HAUS7: variants seen among roughly 807,000 people sequenced by gnomAD.
HAUS7 encodes the protein HAUS augmin-like complex subunit 7.
HAUS7 carries 3 observed loss-of-function variants against 28.4 expected under a neutral mutation model. The ratio of observed to expected loss-of-function variants is 0.11; its 90% CI spans 0.05 to 0.27. HAUS7 has a LOEUF of 0.27. Ranked by LOEUF, HAUS7 falls within the 10% of genes least tolerant of loss-of-function variation. The probability of loss-of-function intolerance (pLI) is 1.00; values close to 1 mark genes in which losing one functional copy is unlikely to be tolerated. For missense variants in HAUS7, 284 were observed against 297.3 expected, an observed-to-expected ratio of 0.96 and a Z score of 0.33; for synonymous variants, 165 against 132.1, an observed-to-expected ratio of 1.25 and a Z score of -1.71.
intron 1 of HAUS7, among the ~76,000 whole-genome samples, chrX:153,490,817 C>G (rs1013133850): frequency 8.9e-5 from 10 of 112,704 alleles, no homozygotes; most frequent in Admixed American, 7.5e-4. Flanking sequence ...AGGGCACTGC[C>G]TCCTCCTCTA....
intron 1 of HAUS7, among the ~76,000 whole-genome samples, chrX:153,491,994 G>C (rs2089674130): frequency 8.9e-6 from 1 of 112,885 alleles, no homozygotes; most frequent in Admixed American, 9.2e-5. Context: ...GTGCTGGAAG[G>C]GGCCGGGTTC....
intron 1 of HAUS7, chrX:153,480,853 G>C: frequency 2.6e-6 from 2 of 755,116 alleles, no homozygotes; most frequent in Non-Finnish European, 3.1e-6. Flanking sequence ...GCTGGGGCAG[G>C]GAAGCCCGAG....
Position 153,454,476 on chromosome X carries a change from G to A in HAUS7, c.963C>T (p.Thr321=), listed in dbSNP as rs1419473399. The change falls in exon 9 of 10, where the codon ACC becomes ACT. Residue 321 remains threonine, a synonymous_variant. Transcript: ENST00000370211. Reference sequence around the variant, plus strand: ...TCACGGTCTCCACGGCCTTCGCAGAGGTGTCAGCAACTGCCATGACCACTT... The same window carrying A: ...TCACGGTCTCCACGGCCTTCGCAGAAGTGTCAGCAACTGCCATGACCACTT... ...LLQVVMAVAD[T]SAKAVETVKK... 4.9e-6 allele frequency: 5 copies of A among 1,023,481 alleles called. No individual in the cohort carries two copies. The highest frequency in any genetic ancestry group is 6.5e-6 in the Non-Finnish European group (5 of 771,765). The allele number at this position is 1,023,481 out of a possible 1,213,427, so 84.3% of individuals were successfully genotyped here. A position where few individuals can be genotyped will look rare whatever the true frequency, so the allele number is the denominator to read the frequency against.
At chrX:153,474,021 G>A (rs972646389), upstream of HAUS7, among the ~76,000 whole-genome samples, 3 of 112,346 alleles carry the variant, frequency 2.7e-5, no homozygotes, top group South Asian at 3.7e-4. Flanking sequence ...TGGAGAACAC[G>A]AAAGCAGGGG....
chrX:153,448,561 A>T (rs907680700), intron 9 of HAUS7, among the ~76,000 whole-genome samples: 1 of 110,105 alleles, frequency 9.1e-6, no homozygotes, highest in African/African-American at 3.3e-5. Flanking sequence ...TATATATATA[A>T]AATAAATAAA....
chrX:153,463,113 A>G, intron 3 of HAUS7: 2 of 334,722 alleles, frequency 6.0e-6, no homozygotes, highest in South Asian at 5.2e-5. Flanking sequence ...TGGGGGTGGA[A>G]GACCTTGTTC....
At chrX:153,470,626 TC>T (rs782795046), upstream of HAUS7, 1 of 1,161,066 alleles carries the variant, frequency 8.6e-7, no homozygotes, top group South Asian at 1.9e-5. Context: ...CCAATCAACC[TC>T]CAGCGTTCTT....
chrX:153,483,907 G>A (rs5987255), intron 1 of HAUS7, among the ~76,000 whole-genome samples: 1,832 of 112,273 alleles, frequency 0.016, 35 homozygotes, highest in African/African-American at 0.056. Flanking sequence ...GAAGCAGCGC[G>A]GAAGGGCTGG....
intron 1 of HAUS7, among the ~76,000 whole-genome samples, chrX:153,488,418 A>G (rs1291293449): frequency 1.8e-5 from 2 of 112,769 alleles, no homozygotes; most frequent in African/African-American, 6.4e-5. Flanking sequence ...GGGGCCTGGG[A>G]ACTGAGTCTC....
intron 1 of HAUS7, among the ~76,000 whole-genome samples, chrX:153,489,861 A>G (rs1486457282): frequency 3.6e-5 from 4 of 111,502 alleles, no homozygotes; most frequent in Middle Eastern, 4.6e-3. Context: ...CCTCCAGCCT[A>G]ACACCCCCGT....
chrX:153,478,825 C>T (rs1035913987), intron 1 of HAUS7, among the ~76,000 whole-genome samples: 1 of 112,697 alleles, frequency 8.9e-6, no homozygotes, highest in Non-Finnish European at 1.9e-5. Flanking sequence ...TTGGCACCCA[C>T]CCCCTCTCCT....
upstream of HAUS7, chrX:153,471,124 T>G (rs1556985285): frequency 7.1e-6 from 2 of 282,193 alleles, no homozygotes; most frequent in Non-Finnish European, 1.4e-5. Flanking sequence ...CGGGGCTCCG[T>G]CTTCTCTTCA....
intron 1 of HAUS7, among the ~76,000 whole-genome samples, chrX:153,490,977 C>A (rs1488108453): frequency 8.9e-6 from 1 of 112,116 alleles, no homozygotes; most frequent in African/African-American, 3.2e-5. Context: ...GTCGGCTCTC[C>A]CTCTGTCTCT....
At chrX:153,471,781 G>A (rs374410930), upstream of HAUS7, among the ~76,000 whole-genome samples, 1 of 112,086 alleles carries the variant, frequency 8.9e-6, no homozygotes, top group East Asian at 2.8e-4. Context: ...CCTGGGAGGA[G>A]GGAGCGGGCA....
At chrX:153,467,099 C>T (rs1162203067) in intron 2 of HAUS7, among the ~76,000 whole-genome samples, 4 of 110,971 alleles carry the variant, frequency 3.6e-5, no homozygotes, top group Non-Finnish European at 7.6e-5. Context: ...ATCTGCGCCC[C>T]CTCCCACAAG....
Position 153,456,310 on chromosome X carries a change from C to T in HAUS7, c.660G>A (p.Arg220=). Residue 220 remains arginine (R), a synonymous_variant, in exon 7 of 10, where the codon AGG becomes AGA. Coordinates refer to ENST00000370211, the MANE Select transcript of HAUS7 (RefSeq NM_001385482.1). ...ACTTGGCAGCACTCTCCTGCAGCTG[C>T]CTGGCAAGCTCCGCCAGCTTCTCCT... The part of the protein sequence containing the change: ...EEEEKLAELA[R]QLQESAAKLH... 3 of 1,211,609 alleles carry T rather than the reference C, an allele frequency of 2.5e-6. No individual in the cohort carries two copies. Among genetic ancestry groups the T allele is most frequent in the Non-Finnish European group, 3.4e-6 (3 of 895,110 alleles).
At chrX:153,474,793 T>A (rs1266560146), upstream of HAUS7, among the ~76,000 whole-genome samples, 1 of 16,328 alleles carries the variant, frequency 6.1e-5, no homozygotes, top group African/African-American at 2.6e-4. Context: ...TCGCGGGAGG[T>A]GGCGGGCGGG....
chrX:153,490,514 C>G lies in HAUS7; in HGVS notation c.-589+4860G>C, dbSNP rs781879716. ...AGCCTCCTCCATAACCGCCCCACCC[C>G]CTGAACCCAGAGGTCCCCGCTGAGC... On this transcript the variant is annotated intron_variant, in intron 1 of 5. Coordinates refer to the HAUS7 transcript ENST00000370210. 9.6e-4 allele frequency among the ~76,000 whole-genome samples: 108 copies of G among 112,876 alleles called. 1 individual carries two copies. The highest frequency in any genetic ancestry group is 3.4e-3 in the African/African-American group (105 of 31,110).
At chrX:153,467,836 GGGGCA>G (rs781949916) in intron 2 of HAUS7, among the ~76,000 whole-genome samples, 16 of 112,979 alleles carry the variant, frequency 1.4e-4, no homozygotes, top group Non-Finnish European at 2.8e-4. Flanking sequence ...GGCTCCAGCA[GGGGCA>G]GGGTGTGCTC....
Sources: gnomAD v4.1 joint callset for allele counts (sites outside exome capture counted in the v4.1 genomes callset) on GRCh38, gnomAD v4.1.1 for gene constraint, MANE v1.5 for transcripts, NCBI Gene and HGNC (gene_info 2026-07-23, HGNC 2026-07-21) for gene names.